Variants in NKAIN2 observed in about 807,000 individuals in gnomAD.
The protein encoded by NKAIN2 is sodium/potassium-transporting ATPase subunit beta-1-interacting protein 2.
A neutral mutation model predicts 32.6 loss-of-function variants in NKAIN2; 14 were observed. The ratio of observed to expected loss-of-function variants is 0.43; its 90% CI spans 0.28 to 0.67. The LOEUF (loss-of-function observed/expected upper bound fraction) is 0.67, where lower values mean the gene tolerates loss of function less well. Ranked by LOEUF, NKAIN2 falls within the 30% of genes least tolerant of loss-of-function variation. The probability of loss-of-function intolerance (pLI) is 0.17; values close to 1 mark genes in which losing one functional copy is unlikely to be tolerated. For synonymous variants in NKAIN2, 80 were observed against 87.2 expected, an observed-to-expected ratio of 0.92 and a Z score of 0.46; for missense variants, 198 against 258.3, an observed-to-expected ratio of 0.77 and a Z score of 1.60.
At chr6:124,793,100 G>T (rs1779815220) in intron 5 of NKAIN2, among the ~76,000 whole-genome samples, 1 of 152,034 alleles carries the variant, frequency 6.6e-6, no homozygotes, top group African/African-American at 2.4e-5. Context: ...GAGATAGAGA[G>T]GATAGATGTG....
chr6:124,210,521 A>G (rs1484857158), intron 1 of NKAIN2, among the ~76,000 whole-genome samples: 2 of 151,844 alleles, frequency 1.3e-5, no homozygotes, highest in Non-Finnish European at 2.9e-5. Context: ...TTTGGGTAGT[A>G]TGGACATTTA....
chr6:124,455,920 C>T (rs901004994), intron 3 of NKAIN2, among the ~76,000 whole-genome samples: 1 of 151,852 alleles, frequency 6.6e-6, no homozygotes, highest in Non-Finnish European at 1.5e-5. Flanking sequence ...AAAATGGAAA[C>T]CCCATTTCCT....
chr6:124,608,329 C>A (rs560415908), intron 3 of NKAIN2, among the ~76,000 whole-genome samples: 3 of 152,276 alleles, frequency 2.0e-5, no homozygotes, highest in South Asian at 2.1e-4. Flanking sequence ...GCAGACCGGG[C>A]ACTCCATAAG....
At chr6:124,075,067 T>C (rs913039501) in intron 1 of NKAIN2, among the ~76,000 whole-genome samples, 4 of 152,220 alleles carry the variant, frequency 2.6e-5, no homozygotes, top group Middle Eastern at 3.2e-3. Flanking sequence ...CTGTGATAGA[T>C]ATTTATTTAA....
intron 3 of NKAIN2, among the ~76,000 whole-genome samples, chr6:124,581,463 A>G (rs61131724): frequency 3.4e-5 from 5 of 148,252 alleles, no homozygotes; most frequent in Admixed American, 6.6e-5. Flanking sequence ...AAAAAAAAAA[A>G]AAAAAAAGAA....
intron 3 of NKAIN2, among the ~76,000 whole-genome samples, chr6:124,604,364 G>A (rs1205224215): frequency 2.0e-5 from 3 of 151,840 alleles, no homozygotes; most frequent in Non-Finnish European, 2.9e-5. Context: ...TATTTTAATA[G>A]GTGTCAAAAA....
intron 1 of NKAIN2, among the ~76,000 whole-genome samples, chr6:124,039,841 G>A (rs1781784962): frequency 6.6e-6 from 1 of 151,410 alleles, no homozygotes; most frequent in African/African-American, 2.4e-5. Flanking sequence ...GACTGGTTGC[G>A]GTGACTATTG....
At chr6:124,236,415 G>T (rs1792763793) in intron 1 of NKAIN2, among the ~76,000 whole-genome samples, 1 of 152,124 alleles carries the variant, frequency 6.6e-6, no homozygotes, top group Non-Finnish European at 1.5e-5. Context: ...GATGGAAGTG[G>T]CATCGCTGTA....
intron 1 of NKAIN2, among the ~76,000 whole-genome samples, chr6:124,196,357 A>G (rs538106727): frequency 6.6e-6 from 1 of 152,086 alleles, no homozygotes; most frequent in Admixed American, 6.6e-5. Context: ...CTTCACAATA[A>G]CTCTACAGAC....
At chr6:123,936,044 T>C (rs1776494972) in intron 1 of NKAIN2, among the ~76,000 whole-genome samples, 1 of 152,178 alleles carries the variant, frequency 6.6e-6, no homozygotes, top group Non-Finnish European at 1.5e-5. Context: ...GACAACCGAA[T>C]TGACAAAGTT....
chr6:124,183,345 T>A (rs1448306756), intron 1 of NKAIN2, among the ~76,000 whole-genome samples: 1 of 152,138 alleles, frequency 6.6e-6, no homozygotes, highest in Non-Finnish European at 1.5e-5. Flanking sequence ...ACACTTCTAT[T>A]ACTAATAAAA....
At chr6:124,703,501 T>A (rs1774901812) in intron 4 of NKAIN2, among the ~76,000 whole-genome samples, 1 of 152,018 alleles carries the variant, frequency 6.6e-6, no homozygotes, top group South Asian at 2.1e-4. Flanking sequence ...GTTTCAATAA[T>A]TACATTAATC....
intron 1 of NKAIN2, among the ~76,000 whole-genome samples, chr6:123,892,857 A>G (rs796785330): frequency 5.3e-5 from 8 of 151,706 alleles, no homozygotes; most frequent in African/African-American, 1.9e-4. Context: ...CCTAAGGGTG[A>G]AGGTCAGATG....
intron 3 of NKAIN2, among the ~76,000 whole-genome samples, chr6:124,429,417 C>A (rs1237752449): frequency 6.6e-6 from 1 of 152,080 alleles, no homozygotes; most frequent in Non-Finnish European, 1.5e-5. Flanking sequence ...GAGATAACTT[C>A]TTCAACCTCC....
chr6:124,028,612 T>C (rs998125207), intron 1 of NKAIN2, among the ~76,000 whole-genome samples: 3 of 151,524 alleles, frequency 2.0e-5, no homozygotes, highest in African/African-American at 7.3e-5. Context: ...CGAAATGTAA[T>C]ATTTTAGCAA....
chr6:124,121,865 G>T, intron 1 of NKAIN2: 1 of 1,132,428 alleles, frequency 8.8e-7, no homozygotes, highest in South Asian at 1.4e-5. Context: ...TTGTCCCTCT[G>T]GTATATTTAC....
intron 4 of NKAIN2, among the ~76,000 whole-genome samples, chr6:124,686,619 A>G (rs1257719071): frequency 6.6e-6 from 1 of 152,204 alleles, no homozygotes; most frequent in Non-Finnish European, 1.5e-5. Flanking sequence ...TTACAATTTT[A>G]CATGATATTT....
chr6:123,819,179 G>A (rs897746855), intron 1 of NKAIN2, among the ~76,000 whole-genome samples: 1 of 152,130 alleles, frequency 6.6e-6, no homozygotes, highest in Admixed American at 6.6e-5. Context: ...AACAGGTCTC[G>A]TTAATAGATA....
At chr6:124,747,824 A>C (rs1777513859) in intron 4 of NKAIN2, among the ~76,000 whole-genome samples, 1 of 151,756 alleles carries the variant, frequency 6.6e-6, no homozygotes, top group Non-Finnish European at 1.5e-5. Context: ...GCCTCATTAA[A>C]ATATGAAACA....
Sources: allele counts gnomAD v4.1 joint callset (sites outside exome capture counted in the v4.1 genomes callset), GRCh38; gene constraint gnomAD v4.1.1; transcripts MANE v1.5; gene names NCBI Gene and HGNC (gene_info 2026-07-23, HGNC 2026-07-21).